GRID1: variants seen among roughly 807,000 people sequenced by gnomAD.
GRID1 encodes the protein glutamate receptor ionotropic, delta-1.
Under a neutral mutation model 98.0 loss-of-function variants are expected in GRID1, and 28 were observed. The observed-to-expected ratio is 0.29, with a 90% CI of 0.21 to 0.39. The LOEUF (loss-of-function observed/expected upper bound fraction) is 0.39. Among genes scored for constraint, GRID1 ranks in the 10% least tolerant of loss-of-function variants. The pLI is 1.00. For synonymous variants in GRID1, 553 were observed against 538.5 expected (o/e 1.03, Z -0.37); for missense variants, 1,111 against 1,340.5 (o/e 0.83, Z 2.67).
At chr10:85,978,926 A>C (rs1842508487) in intron 4 of GRID1, among the ~76,000 whole-genome samples, 1 of 152,236 alleles carries the variant, frequency 6.6e-6, no homozygotes, top group Non-Finnish European at 1.5e-5. Context: ...ATTGGGGCTC[A>C]GAAAGCATAA....
Position 85,602,312 on chromosome 10 carries a change from A to G in GRID1, c.2991T>C (p.Leu997=). 1 of 1,545,600 alleles carries G rather than the reference A, an allele frequency of 6.5e-7. No individual in the cohort carries two copies. The highest frequency in any genetic ancestry group is 1.3e-5 in the South Asian group (1 of 79,518). ...CGTGGGAGGTGTCCAGAGCCTCTGG[A>G]AGGACGCCTCCAGGCACGGGCTGGA... ...MSFQPVPGGV[L]PEALDTSHGT... Residue 997 remains leucine (L), a synonymous_variant, in exon 16 of 16, where the codon CTT becomes CTC. Transcript: ENST00000327946.
intron 8 of GRID1, among the ~76,000 whole-genome samples, chr10:85,817,632 G>A (rs1206144808): frequency 8.5e-5 from 13 of 152,112 alleles, no homozygotes; most frequent in African/African-American, 2.4e-4. Flanking sequence ...AGTGGCTCAC[G>A]CCTGTAATCC....
chr10:85,959,977 G>A (rs1487564741), intron 4 of GRID1, among the ~76,000 whole-genome samples: 2 of 152,098 alleles, frequency 1.3e-5, no homozygotes, highest in African/African-American at 2.4e-5. Flanking sequence ...CGCCTTCTGG[G>A]TTCAAGTGAT....
intron 4 of GRID1, among the ~76,000 whole-genome samples, chr10:86,032,418 G>A (rs912975781): frequency 4.6e-5 from 7 of 152,228 alleles, no homozygotes; most frequent in Non-Finnish European, 1.0e-4. Flanking sequence ...AGAGAAATCA[G>A]ATTGTTGCTG....
At chr10:85,689,455 A>G (rs1013848923) in intron 12 of GRID1, among the ~76,000 whole-genome samples, 1 of 152,142 alleles carries the variant, frequency 6.6e-6, no homozygotes, top group Non-Finnish European at 1.5e-5. Context: ...GGAAAAAAAA[A>G]AAGCAATAAT....
chr10:85,775,181 A>G (rs1303820018), intron 8 of GRID1, among the ~76,000 whole-genome samples: 1 of 152,206 alleles, frequency 6.6e-6, no homozygotes, highest in Non-Finnish European at 1.5e-5. Flanking sequence ...TTGTAGGGAT[A>G]TGGATGAAAG....
At chr10:86,274,106 G>C (rs1847229635) in intron 2 of GRID1, among the ~76,000 whole-genome samples, 1 of 152,130 alleles carries the variant, frequency 6.6e-6, no homozygotes, top group African/African-American at 2.4e-5. Flanking sequence ...GTAAGGAAGG[G>C]ATCCAGTTTC....
intron 4 of GRID1, among the ~76,000 whole-genome samples, chr10:86,059,089 C>A (rs1026260471): frequency 1.3e-5 from 2 of 152,156 alleles, no homozygotes; most frequent in African/African-American, 4.8e-5. Context: ...GCAGAGGAAG[C>A]AGCACGTGCA....
At chr10:86,148,135 A>T (rs1008533563) in intron 3 of GRID1, among the ~76,000 whole-genome samples, 2 of 152,246 alleles carry the variant, frequency 1.3e-5, no homozygotes, top group African/African-American at 4.8e-5. Flanking sequence ...TGGCCTTGCC[A>T]TACCTAAATC....
At chr10:86,086,880 T>C (rs1040084251) in intron 4 of GRID1, among the ~76,000 whole-genome samples, 2 of 152,168 alleles carry the variant, frequency 1.3e-5, no homozygotes, top group East Asian at 3.9e-4. Context: ...TTCACAGCTG[T>C]ATGCCCAGGA....
Position 86,195,778 on chromosome 10 carries a change from C to T in GRID1, c.520+10586G>A, listed in dbSNP as rs574642148. Among the ~76,000 whole-genome samples, 2 of 152,200 alleles carry T rather than the reference C, an allele frequency of 1.3e-5. No homozygotes were observed. Among genetic ancestry groups the T allele is most frequent in the Admixed American group, 6.5e-5 (1 of 15,294 alleles). On this transcript the variant is annotated intron_variant, in intron 3 of 15. Coordinates refer to ENST00000327946, the MANE Select transcript of GRID1 (RefSeq NM_017551.3). The surrounding 1 kb of genome is among the most constrained non-coding windows in gnomAD (Gnocchi z 4.4). ...ACCCCCACCTTTTGGTTCTAAGTGG[C>T]CTTGTCACCACTCCCAGAGCCTTCC...
intron 2 of GRID1, among the ~76,000 whole-genome samples, chr10:86,237,568 C>A (rs1846560076): frequency 6.6e-6 from 1 of 152,138 alleles, no homozygotes; most frequent in South Asian, 2.1e-4. Context: ...GGCATGGTGG[C>A]AGGTGCCTGT....
At chr10:85,647,491 G>T in intron 12 of GRID1, 94 bp from the exon 13 acceptor site, 2 of 883,712 alleles carry the variant, frequency 2.3e-6, no homozygotes, top group Non-Finnish European at 3.6e-6. Context: ...TGAACTCCAA[G>T]CCCGGCATGG....
intron 8 of GRID1, among the ~76,000 whole-genome samples, chr10:85,799,820 A>G (rs909665446): frequency 6.6e-6 from 1 of 152,026 alleles, no homozygotes; most frequent in Non-Finnish European, 1.5e-5. Flanking sequence ...GACTACAGTT[A>G]AAGATAGTGT....
Position 86,366,078 on chromosome 10 carries a change from G to C in GRID1, c.79+236C>G, listed in dbSNP as rs770651226. ...CCCCGAAGCGTCGGCCCTAAGTGTCGGTAGAGGCCGCGGGGCCCCGCGCGG... is the reference window on the plus strand; with the variant it reads ...CCCCGAAGCGTCGGCCCTAAGTGTCCGTAGAGGCCGCGGGGCCCCGCGCGG... On this transcript the variant is annotated intron_variant, in intron 1 of 15. Coordinates refer to ENST00000327946, the MANE Select transcript of GRID1 (RefSeq NM_017551.3). The surrounding 1 kb of genome is among the most constrained non-coding windows in gnomAD (Gnocchi z 4.1). Among the ~76,000 whole-genome samples, 11 of 152,046 alleles carry C rather than the reference G, an allele frequency of 7.2e-5. No individual in the cohort carries two copies. The highest frequency in any genetic ancestry group is 1.5e-4 in the Non-Finnish European group (10 of 67,980).
intron 3 of GRID1, among the ~76,000 whole-genome samples, chr10:86,147,172 G>C (rs1260875637): frequency 6.6e-6 from 1 of 152,134 alleles, no homozygotes; most frequent in Non-Finnish European, 1.5e-5. Context: ...GGGCTCTCCT[G>C]TCCCCATCAC....
chr10:86,207,224 C>T (rs1328117135), intron 2 of GRID1, among the ~76,000 whole-genome samples: 1 of 152,130 alleles, frequency 6.6e-6, no homozygotes, highest in African/African-American at 2.4e-5. Context: ...GAAAAGAAAC[C>T]CTAGGTCTTC....
intron 4 of GRID1, among the ~76,000 whole-genome samples, chr10:86,033,769 G>A (rs1156546681): frequency 6.6e-6 from 1 of 152,206 alleles, no homozygotes; most frequent in Non-Finnish European, 1.5e-5. Flanking sequence ...CTCACTAGGG[G>A]TCCTAACAAG....
chr10:86,108,776 T>C (rs994477458), intron 4 of GRID1, among the ~76,000 whole-genome samples: 3 of 152,222 alleles, frequency 2.0e-5, no homozygotes, highest in African/African-American at 7.2e-5. Flanking sequence ...CTTTCAGAAT[T>C]TCACCAGCAT....
Sources: allele counts gnomAD v4.1 joint callset (sites outside exome capture counted in the v4.1 genomes callset), GRCh38; gene constraint gnomAD v4.1.1; non-coding constraint Gnocchi (gnomAD v3.1); transcripts MANE v1.5; gene names NCBI Gene and HGNC (gene_info 2026-07-23, HGNC 2026-07-21).